The following SLC2A5 variants were observed in gnomAD, a reference collection of about 807,000 sequenced individuals.
SLC2A5 encodes the protein solute carrier family 2 member 5, also known as solute carrier family 2, facilitated glucose transporter member 5.
Under a neutral mutation model 50.3 loss-of-function variants are expected in SLC2A5, and 56 were observed. The observed-to-expected ratio is 1.11, with a 90% CI of 0.90 to 1.39. SLC2A5 has a LOEUF of 1.39. Among genes scored for constraint, SLC2A5 ranks in the 40% most tolerant of loss-of-function variants. SLC2A5 has a pLI of 0.00. For missense variants in SLC2A5, 566 were observed against 650.1 expected (o/e 0.87, Z 1.41); for synonymous variants, 269 against 281.9 (o/e 0.95, Z 0.46).
chr1:9,048,371 C>A (rs1005642532), intron 3 of SLC2A5, among the ~76,000 whole-genome samples: 1 of 151,872 alleles, frequency 6.6e-6, no homozygotes, highest in Non-Finnish European at 1.5e-5. Flanking sequence ...TAGCAGGGCC[C>A]ACTGGTGGCA....
intron 2 of SLC2A5, among the ~76,000 whole-genome samples, chr1:9,079,272 C>A (rs1484991826): frequency 1.3e-5 from 2 of 152,046 alleles, no homozygotes; most frequent in Admixed American, 1.3e-4. Context: ...GGGGTGTAAA[C>A]TTCAGAGACA....
At chr1:9,038,720 A>T (rs1557660734) in intron 9 of SLC2A5, 108 bp downstream of exon 9, 1 of 1,447,984 alleles carries the variant, frequency 6.9e-7, no homozygotes, top group African/African-American at 1.4e-5. Context: ...TTGCTAAAAC[A>T]GCTCATTGTG....
chr1:9,088,702 C>G (rs1642431122), upstream of SLC2A5, among the ~76,000 whole-genome samples: 1 of 152,080 alleles, frequency 6.6e-6, no homozygotes, highest in Non-Finnish European at 1.5e-5. Flanking sequence ...AGAATTGCCT[C>G]AACCCAGGAG....
chr1:9,060,665 A>AC (rs1641917087), intron 1 of SLC2A5, among the ~76,000 whole-genome samples: 2 of 79,446 alleles, frequency 2.5e-5, no homozygotes, highest in East Asian at 9.8e-4. Flanking sequence ...ACACACACAC[A>AC]CCCCACACAC....
rs1641124989 is a variant in SLC2A5, at chr1:9,035,870, A to C, written c.*1716T>G. The C allele has an allele frequency of 6.6e-6, 1 of 152,242 alleles. No individual in the cohort carries two copies. The highest frequency in any genetic ancestry group is 1.5e-5 in the Non-Finnish European group (1 of 68,078). 9.4% of individuals were successfully genotyped at this position (152,242 alleles called of 1,614,324 possible). A position where few individuals can be genotyped will look rare whatever the true frequency, so the allele number is the denominator to read the frequency against. ...CTTACCTGGTGGCAGGCAAGAGAGA[A>C]TGAGAACCAAGCAAAAGGTTTTACC... On this transcript the variant is annotated 3_prime_UTR_variant, in exon 12 of 12. Transcript: ENST00000377424.
intron 3 of SLC2A5, among the ~76,000 whole-genome samples, chr1:9,051,964 GA>G (rs545837718): frequency 3.0e-4 from 46 of 152,302 alleles, no homozygotes; most frequent in Admixed American, 9.2e-4. Flanking sequence ...AAAAGACATG[GA>G]GAAGCCTTCA....
upstream of SLC2A5, among the ~76,000 whole-genome samples, chr1:9,090,371 A>G (rs1216411882): frequency 1.3e-5 from 2 of 152,194 alleles, no homozygotes; most frequent in Non-Finnish European, 2.9e-5. Context: ...TAAGCACTAT[A>G]TAGTGGTCCT....
intron 4 of SLC2A5, among the ~76,000 whole-genome samples, chr1:9,043,155 CTGAGTCAAATGGAG>C (rs930999344): frequency 2.0e-5 from 3 of 152,144 alleles, no homozygotes; most frequent in African/African-American, 7.2e-5. Flanking sequence ...GTACCAAATC[CTGAGTCAAATGGAG>C]GCTCAGGGAC....
chr1:9,039,686 G>A (rs1241667491), intron 7 of SLC2A5, 24 bp from the exon 8 acceptor site: 4 of 1,498,854 alleles, frequency 2.7e-6, no homozygotes, highest in Non-Finnish European at 3.6e-6. Context: ...GCGGGGCTGG[G>A]CGGCTGCCCG....
intron 1 of SLC2A5, among the ~76,000 whole-genome samples, chr1:9,061,257 G>C (rs1409342689): frequency 6.9e-6 from 1 of 145,426 alleles, no homozygotes; most frequent in East Asian, 2.1e-4. Flanking sequence ...ACTCCAGCCT[G>C]GGTGACAGTG....
chr1:9,066,423 C>G (rs72632936), intron 1 of SLC2A5, among the ~76,000 whole-genome samples: 9 of 152,148 alleles, frequency 5.9e-5, no homozygotes, highest in African/African-American at 2.2e-4. Context: ...TTTGTAGAGA[C>G]CAAGTTTCGC....
chr1:9,087,584 A>G (rs1412980175), intron 1 of SLC2A5, among the ~76,000 whole-genome samples: 1 of 152,078 alleles, frequency 6.6e-6, no homozygotes, highest in Non-Finnish European at 1.5e-5. Context: ...TTGCAACCCA[A>G]GAGGCAGTGG....
rs555039250 is a variant in SLC2A5, at chr1:9,066,288, C to T, written c.33+3216G>A. 1.1e-3 allele frequency among the ~76,000 whole-genome samples: 165 copies of T among 152,104 alleles called. 1 individual carries two copies. Among genetic ancestry groups the T allele is most frequent in the African/African-American group, 3.8e-3 (158 of 41,484 alleles). On this transcript the variant is annotated intron_variant, in intron 1 of 11. Coordinates refer to ENST00000377424, the MANE Select transcript of SLC2A5 (RefSeq NM_003039.3). ...CTGGCTGGAGTCACGCAGGCTGGAG[C>T]GCAGTGGCACTATCTCTGCTCACTG... is the stretch of plus-strand genomic sequence containing the variant.
At chr1:9,060,570 ATACACACC>A (rs1641909259) in intron 1 of SLC2A5, among the ~76,000 whole-genome samples, 1 of 130,720 alleles carries the variant, frequency 7.6e-6, no homozygotes. Flanking sequence ...CACCACACAC[ATACACACC>A]CACCCCCCAC....
At chr1:9,055,516 C>T (rs1384915622) in intron 3 of SLC2A5, among the ~76,000 whole-genome samples, 1 of 151,520 alleles carries the variant, frequency 6.6e-6, no homozygotes, top group African/African-American at 2.4e-5. Context: ...GACTCCATCT[C>T]AAAAATAAAT....
chr1:9,076,498 T>A (rs1274460658), intron 2 of SLC2A5, among the ~76,000 whole-genome samples: 7 of 152,220 alleles, frequency 4.6e-5, no homozygotes, highest in African/African-American at 1.7e-4. Flanking sequence ...CAGAATGTCA[T>A]GTTCTTTAGG....
Position 9,038,829 on chromosome 1 carries a change from T to C in SLC2A5, c.1097A>G (p.Gln366Arg). ...CCVLTAALAL[Q>R]DTVSWMPYIS... ...CCTGGGACCCTGGCCTGTCCTCACCTGCAGTGCCAGAGCTGCAGTGAGCAC... is the reference window on the plus strand; with the variant it reads ...CCTGGGACCCTGGCCTGTCCTCACCCGCAGTGCCAGAGCTGCAGTGAGCAC... The change falls in exon 9 of 12, where the codon CAG becomes CGG. Residue 366 changes from glutamine to arginine, a missense_variant and splice_region_variant. By Grantham distance (43) the Gln-to-Arg change is conservative (BLOSUM62 1). Transcript: ENST00000377424. 2 of 1,606,310 alleles carry C rather than the reference T, an allele frequency of 1.2e-6. No homozygotes were observed. The highest frequency in any genetic ancestry group is 1.7e-6 in the Non-Finnish European group (2 of 1,177,080).
At position 9,035,260 on chromosome 1, in the gene SLC2A5, A is replaced by T. The variant is rs991674182; in HGVS notation, c.*2326T>A. On this transcript the variant is annotated 3_prime_UTR_variant, in exon 12 of 12. Coordinates refer to ENST00000377424, the MANE Select transcript of SLC2A5 (RefSeq NM_003039.3). ...TGAACCCAGGGAGCAGACATCCAGA[A>T]CCATGAACTTCATAGCCTCCCCTGT... 6 of 152,240 alleles carry T rather than the reference A, an allele frequency of 3.9e-5. No homozygotes were observed. Among genetic ancestry groups the T allele is most frequent in the African/African-American group, 1.4e-4 (6 of 41,458 alleles). 9.4% of individuals were successfully genotyped at this position (152,240 alleles called of 1,614,324 possible). A position where few individuals can be genotyped will look rare whatever the true frequency, so the allele number is the denominator to read the frequency against.
chr1:9,072,877 G>A (rs1013192695), upstream of SLC2A5, among the ~76,000 whole-genome samples: 6 of 151,486 alleles, frequency 4.0e-5, no homozygotes, highest in Non-Finnish European at 7.4e-5. Context: ...TAGGAGAATC[G>A]CTTGAACCCA....
Sources: gnomAD v4.1 joint callset for allele counts (sites outside exome capture counted in the v4.1 genomes callset) on GRCh38, gnomAD v4.1.1 for gene constraint, MANE v1.5 for transcripts, NCBI Gene and HGNC (gene_info 2026-07-23, HGNC 2026-07-21) for gene names.